The following UBR1 variants were observed in gnomAD, a reference collection of about 807,000 sequenced individuals.
The protein encoded by UBR1 is E3 ubiquitin-protein ligase UBR1.
A neutral mutation model predicts 242.1 loss-of-function variants in UBR1; 102 were observed. The ratio of observed to expected loss-of-function variants is 0.42; its 90% CI spans 0.36 to 0.50. UBR1 has a LOEUF of 0.50. Ranked by LOEUF, UBR1 falls within the 20% of genes least tolerant of loss-of-function variation. The pLI is 0.01. For synonymous variants in UBR1, 675 were observed against 684.8 expected (o/e 0.99, Z 0.22); for missense variants, 1,772 against 2,101.8 (o/e 0.84, Z 3.07).
chr15:43,044,985 G>T (rs1345051346), intron 14 of UBR1, among the ~76,000 whole-genome samples: 2 of 152,150 alleles, frequency 1.3e-5, no homozygotes, highest in Non-Finnish European at 2.9e-5. Context: ...AATCTTACAT[G>T]AACCCAGAAC....
intron 27 of UBR1, among the ~76,000 whole-genome samples, chr15:43,018,619 G>A (rs1342013477): frequency 6.6e-6 from 1 of 151,978 alleles, no homozygotes; most frequent in African/African-American, 2.4e-5. Context: ...TTGAACTTCT[G>A]GGCTCAAGCA....
intron 13 of UBR1, 108 bp from the exon 14 acceptor site, chr15:43,047,397 T>C: frequency 6.5e-7 from 1 of 1,535,330 alleles, no homozygotes; most frequent in South Asian, 1.1e-5. Flanking sequence ...ACATGGTTGT[T>C]ACACTGGGTC....
At chr15:42,994,085 T>C (rs2032596686) in intron 33 of UBR1, among the ~76,000 whole-genome samples, 1 of 152,222 alleles carries the variant, frequency 6.6e-6, no homozygotes, top group African/African-American at 2.4e-5. Context: ...ATTCAACAGT[T>C]ACATGGAACA....
intron 4 of UBR1, among the ~76,000 whole-genome samples, chr15:43,071,225 T>C (rs762763444): frequency 6.6e-6 from 1 of 152,192 alleles, no homozygotes; most frequent in African/African-American, 2.4e-5. Context: ...TACGATGATA[T>C]CACGTAACAA....
At chr15:42,957,945 G>A (rs2031950158) in intron 44 of UBR1, 68 bp downstream of exon 44, 2 of 1,287,228 alleles carry the variant, frequency 1.6e-6, no homozygotes, top group East Asian at 2.3e-5. Flanking sequence ...GTTAGTTATG[G>A]CATATACCAA....
chr15:43,002,294 G>C (rs1469374173), intron 32 of UBR1, among the ~76,000 whole-genome samples: 2 of 152,100 alleles, frequency 1.3e-5, no homozygotes, highest in Non-Finnish European at 2.9e-5. Flanking sequence ...ACTCACTGGA[G>C]CTTCAATCTC....
At chr15:43,033,303 A>G (rs1041076903) in intron 19 of UBR1, among the ~76,000 whole-genome samples, 3 of 151,556 alleles carry the variant, frequency 2.0e-5, no homozygotes, top group Non-Finnish European at 4.4e-5. Context: ...ATGAGGTCAG[A>G]AGTTTGAGAC....
rs544900568 is a variant in UBR1, at chr15:42,945,243, T to C, written c.*86A>G. ...TGGAGCAAAAGACCCTCCAATACTT[T>C]CCCAGCCCTCAGAAAGTTTTCCATA... is the stretch of plus-strand genomic sequence containing the variant. On this transcript the variant is annotated 3_prime_UTR_variant, in exon 47 of 47. Coordinates refer to ENST00000290650, the MANE Select transcript of UBR1 (RefSeq NM_174916.3). The C allele has an allele frequency of 5.3e-5, 84 of 1,594,512 alleles. No individual in the cohort carries two copies. The South Asian group carries it at 8.4e-4, about 16-fold the overall frequency.
intron 46 of UBR1, among the ~76,000 whole-genome samples, chr15:42,947,539 T>C (rs1596070956): frequency 1.3e-5 from 2 of 152,010 alleles, no homozygotes; most frequent in African/African-American, 2.4e-5. Flanking sequence ...AAAACCCCAT[T>C]GTCTCAGCCC....
At chr15:43,024,783 A>G (rs2033157864) in intron 25 of UBR1, 46 bp downstream of exon 25, 1 of 1,613,196 alleles carries the variant, frequency 6.2e-7, no homozygotes, top group African/African-American at 1.3e-5. Flanking sequence ...TAGCTCCCCA[A>G]GAACTCTAGG....
At position 42,958,707 on chromosome 15, in the gene UBR1, C is replaced by T. The variant is rs541902395; in HGVS notation, c.4758-617G>A. ...ATACTTAGTACTTAATACATGCTTG[C>T]AAATGTTACTCATTCTCACCAAACT... is the stretch of plus-strand genomic sequence containing the variant. On this transcript the variant is annotated intron_variant, in intron 43 of 46. Transcript: ENST00000290650. 2.4e-4 allele frequency among the ~76,000 whole-genome samples: 37 copies of T among 152,274 alleles called. No individual in the cohort carries two copies. The South Asian group carries it at 4.8e-3, about 20-fold the overall frequency.
intron 14 of UBR1, 125 bp from the exon 15 acceptor site, chr15:43,043,520 C>A (rs1365583287): frequency 1.2e-6 from 1 of 841,724 alleles, no homozygotes; most frequent in Non-Finnish European, 1.9e-6. Flanking sequence ...CAGCTCACTG[C>A]AGCCTCAACC....
At chr15:43,080,202 T>C (rs567803001) in intron 3 of UBR1, among the ~76,000 whole-genome samples, 30 of 152,380 alleles carry the variant, frequency 2.0e-4, no homozygotes, top group African/African-American at 7.0e-4. Context: ...AATAAAACTT[T>C]ATTTACGGGC....
At position 42,952,266 on chromosome 15, in the gene UBR1, C is replaced by T. The variant is rs1287154786; in HGVS notation, c.5006+12G>A. 2 of 1,614,196 alleles carry T rather than the reference C, an allele frequency of 1.2e-6. No homozygotes were observed. Among genetic ancestry groups the T allele is most frequent in the Non-Finnish European group, 1.7e-6 (2 of 1,180,044 alleles). On this transcript the variant is annotated intron_variant, in intron 45 of 46. Transcript: ENST00000290650. ...AGTTCATCATGAAGCTTCCAGAACA[C>T]TCACTACTCACTTTAGGAAAATGCA...
At position 43,068,053 on chromosome 15, in the gene UBR1, A is replaced by G. The variant is rs1199706216; in HGVS notation, c.660-17T>C. The G allele has an allele frequency of 6.4e-7, 1 of 1,569,158 alleles. No homozygotes were observed. On this transcript the variant is annotated splice_polypyrimidine_tract_variant and intron_variant, in intron 5 of 46. Transcript: ENST00000290650. The stretch of plus-strand genomic sequence containing the variant: ...TTTTTCTCCCTGTTAGAAAAAAAAC[A>G]TATATATTTGGATACTACAACAAAT...
intron 26 of UBR1, among the ~76,000 whole-genome samples, chr15:43,021,586 T>C (rs1417069237): frequency 6.6e-6 from 1 of 152,186 alleles, no homozygotes; most frequent in Non-Finnish European, 1.5e-5. Context: ...TAATACAATG[T>C]AAATGCTATG....
intron 4 of UBR1, among the ~76,000 whole-genome samples, chr15:43,071,366 C>G (rs984340963): frequency 1.4e-4 from 21 of 152,134 alleles, no homozygotes; most frequent in African/African-American, 4.8e-4. Flanking sequence ...CACAGAGGGA[C>G]AAATACTATA....
chr15:42,966,046 G>T, intron 41 of UBR1, 107 bp downstream of exon 41: 5 of 1,509,738 alleles, frequency 3.3e-6, no homozygotes, highest in Non-Finnish European at 4.5e-6. Context: ...AAGAAATGGG[G>T]AGAGGAGAAG....
chr15:43,052,631 G>C (rs1596120648), intron 12 of UBR1, among the ~76,000 whole-genome samples: 1 of 152,196 alleles, frequency 6.6e-6, no homozygotes, highest in Non-Finnish European at 1.5e-5. Context: ...AATACATTAA[G>C]TGTGGTTATT....
Sources: allele counts gnomAD v4.1 joint callset (sites outside exome capture counted in the v4.1 genomes callset), GRCh38; gene constraint gnomAD v4.1.1; transcripts MANE v1.5; gene names NCBI Gene and HGNC (gene_info 2026-07-23, HGNC 2026-07-21).